PRLR: variants seen among roughly 807,000 people sequenced by gnomAD.
PRLR encodes the protein hPRL receptor.
In PRLR, 13 loss-of-function variants were observed where a neutral mutation model predicts 40.2. The ratio of observed to expected loss-of-function variants is 0.32; its 90% confidence interval spans 0.21 to 0.51. The LOEUF is 0.51. Ranked by LOEUF, PRLR falls within the 20% of genes least tolerant of loss-of-function variation. PRLR has a pLI of 0.97. For missense variants in PRLR, 656 were observed against 747.3 expected (o/e 0.88, Z 1.42); for synonymous variants, 269 against 278.7 (o/e 0.97, Z 0.35).
At chr5:35,086,885 C>A (rs1198769445) in intron 3 of PRLR, among the ~76,000 whole-genome samples, 1 of 152,204 alleles carries the variant, frequency 6.6e-6, no homozygotes, top group African/African-American at 2.4e-5. Context: ...ATGAACTCAA[C>A]TTGTTCCTGA....
At chr5:35,116,473 A>G (rs1466956137) in intron 2 of PRLR, among the ~76,000 whole-genome samples, 1 of 152,232 alleles carries the variant, frequency 6.6e-6, no homozygotes, top group Non-Finnish European at 1.5e-5. Context: ...ATGAATACAC[A>G]CACAAATACA....
At chr5:35,217,844 C>G (rs533188921) in intron 1 of PRLR, among the ~76,000 whole-genome samples, 18 of 152,196 alleles carry the variant, frequency 1.2e-4, no homozygotes, top group Non-Finnish European at 2.4e-4. Flanking sequence ...GAATCAAACC[C>G]TGAGGGAGGA....
At chr5:35,152,058 T>A (rs1774358526) in intron 1 of PRLR, among the ~76,000 whole-genome samples, 1 of 152,200 alleles carries the variant, frequency 6.6e-6, no homozygotes, top group South Asian at 2.1e-4. Context: ...CAAAGTAAGA[T>A]GAAAAATACT....
chr5:35,128,204 T>C (rs1773533527), intron 1 of PRLR, among the ~76,000 whole-genome samples: 3 of 151,606 alleles, frequency 2.0e-5, no homozygotes, highest in Admixed American at 1.3e-4. Context: ...TTGTATACAG[T>C]TGTCCCTCAG....
At chr5:35,137,408 G>T (rs1252393946) in intron 1 of PRLR, among the ~76,000 whole-genome samples, 1 of 152,196 alleles carries the variant, frequency 6.6e-6, no homozygotes, top group African/African-American at 2.4e-5. Context: ...AGCTGAAAGG[G>T]TACCAGAAGG....
chr5:35,080,949 C>T (rs1389868320), intron 5 of PRLR, among the ~76,000 whole-genome samples: 1 of 149,062 alleles, frequency 6.7e-6, no homozygotes, highest in Non-Finnish European at 1.5e-5. Flanking sequence ...AGACAGAAAA[C>T]CAAACACCGC....
chr5:35,180,120 A>T (rs1775255465), intron 1 of PRLR, among the ~76,000 whole-genome samples: 1 of 152,208 alleles, frequency 6.6e-6, no homozygotes, highest in Admixed American at 6.5e-5. Flanking sequence ...TGTGCAGTTC[A>T]CAATAGCGTT....
intron 1 of PRLR, among the ~76,000 whole-genome samples, chr5:35,127,636 G>C (rs1012047567): frequency 6.6e-6 from 1 of 152,160 alleles, no homozygotes; most frequent in South Asian, 2.1e-4. Context: ...ATATACAAAT[G>C]TGGTATAACC....
intron 1 of PRLR, among the ~76,000 whole-genome samples, chr5:35,155,468 A>C (rs767387098): frequency 2.0e-5 from 3 of 152,252 alleles, no homozygotes; most frequent in Non-Finnish European, 2.9e-5. Context: ...AGCTAAAAAA[A>C]AAACCCATCG....
intron 1 of PRLR, among the ~76,000 whole-genome samples, chr5:35,137,827 G>A (rs968203399): frequency 2.6e-5 from 4 of 152,118 alleles, no homozygotes; most frequent in East Asian, 1.9e-4. Context: ...CAGGAGAATC[G>A]CTTGAACTCG....
intron 2 of PRLR, among the ~76,000 whole-genome samples, chr5:35,109,210 A>T (rs893274085): frequency 6.6e-6 from 1 of 152,318 alleles, no homozygotes; most frequent in African/African-American, 2.4e-5. Context: ...TTACACAAAA[A>T]TTAACTCAAG....
chr5:35,216,098 G>A (rs1022483923), intron 1 of PRLR, among the ~76,000 whole-genome samples: 1 of 151,942 alleles, frequency 6.6e-6, no homozygotes, highest in Non-Finnish European at 1.5e-5. Flanking sequence ...CTGGAACTGA[G>A]GACTTTCTTT....
intron 2 of PRLR, among the ~76,000 whole-genome samples, chr5:35,111,372 G>T (rs897451306): frequency 6.6e-6 from 1 of 152,068 alleles, no homozygotes; most frequent in South Asian, 2.1e-4. Context: ...AAACACTTCT[G>T]GCTGCTAGAT....
chr5:35,198,371 C>T (rs187766902), intron 1 of PRLR, among the ~76,000 whole-genome samples: 20 of 152,344 alleles, frequency 1.3e-4, no homozygotes, highest in South Asian at 8.3e-4. Flanking sequence ...TGGAGCATTG[C>T]CCCAATTCTG....
intron 1 of PRLR, among the ~76,000 whole-genome samples, chr5:35,139,062 G>T (rs1257809194): frequency 6.6e-6 from 1 of 152,200 alleles, no homozygotes; most frequent in East Asian, 1.9e-4. Context: ...TATTTTCCAT[G>T]CAGTTAAAAG....
intron 1 of PRLR, among the ~76,000 whole-genome samples, chr5:35,192,756 A>C (rs186720236): frequency 1.0e-3 from 159 of 152,332 alleles, no homozygotes; most frequent in African/African-American, 3.6e-3. Flanking sequence ...TTCTTGTGAG[A>C]CACAGATGCT....
At chr5:35,143,216 A>G (rs1196147999) in intron 1 of PRLR, among the ~76,000 whole-genome samples, 3 of 152,252 alleles carry the variant, frequency 2.0e-5, no homozygotes, top group African/African-American at 2.4e-5. Flanking sequence ...TGTTGCAACT[A>G]TAAAACTCTG....
intron 1 of PRLR, among the ~76,000 whole-genome samples, chr5:35,174,116 G>A (rs1775078385): frequency 1.3e-5 from 2 of 148,956 alleles, no homozygotes; most frequent in South Asian, 4.2e-4. Flanking sequence ...AAGAGACGGA[G>A]TCTCACTCTG....
Position 35,058,716 on chromosome 5 carries a change from TGA to T in PRLR, c.*6371_*6372del, listed in dbSNP as rs1237541467. ...AATGATTTTCATTTGTATTACATGA[TGA>T]GTTTCACAACATGAGGATTACATAT... is the stretch of plus-strand genomic sequence containing the variant. On this transcript the variant is annotated 3_prime_UTR_variant, in exon 10 of 10. Coordinates refer to ENST00000618457, the MANE Select transcript of PRLR (RefSeq NM_000949.7). The T allele has an allele frequency of 2.0e-5, 3 of 152,208 alleles. No homozygotes were observed. The highest frequency in any genetic ancestry group is 4.4e-5 in the Non-Finnish European group (3 of 68,024). 9.4% of individuals were successfully genotyped at this position (152,208 alleles called of 1,614,324 possible). A position where few individuals can be genotyped will look rare whatever the true frequency, so the allele number is the denominator to read the frequency against.
Sources: allele counts gnomAD v4.1 joint callset (sites outside exome capture counted in the v4.1 genomes callset), GRCh38; gene constraint gnomAD v4.1.1; transcripts MANE v1.5; gene names NCBI Gene and HGNC (gene_info 2026-07-23, HGNC 2026-07-21).